The following LIMK1 variants were observed in gnomAD, a reference collection of about 807,000 sequenced individuals.
LIMK1 encodes the protein LIM domain kinase 1, also known as LIM motif-containing protein kinase.
LIMK1 carries 21 observed loss-of-function variants against 77.6 expected under a neutral mutation model. The observed-to-expected ratio is 0.27, with a 90% CI of 0.19 to 0.39. LIMK1 has a LOEUF of 0.39. LIMK1 is among the 10% of genes least tolerant of loss of function. The probability of loss-of-function intolerance (pLI) is 1.00; values close to 1 mark genes in which losing one functional copy is unlikely to be tolerated. For missense variants in LIMK1, 696 were observed against 901.6 expected (o/e 0.77, Z 2.92); for synonymous variants, 358 against 370.0 (o/e 0.97, Z 0.37).
Position 74,111,918 on chromosome 7 carries a change from T to C in LIMK1, c.1345-15T>C. ...CTGCACAGCTGCCCCCTGACTCCCG[T>C]GTCCCCGTCCCTAGGCCTACCTCCA... On this transcript the variant is annotated splice_polypyrimidine_tract_variant and intron_variant, in intron 11 of 15. Coordinates refer to ENST00000336180, the MANE Select transcript of LIMK1 (RefSeq NM_002314.4). 2 of 1,611,054 alleles carry C rather than the reference T, an allele frequency of 1.2e-6. No individual in the cohort carries two copies. The highest frequency in any genetic ancestry group is 1.1e-5 in the South Asian group (1 of 91,024).
chr7:74,116,927 G>A (rs1438178104), intron 13 of LIMK1, among the ~76,000 whole-genome samples: 1 of 151,630 alleles, frequency 6.6e-6, no homozygotes, highest in African/African-American at 2.4e-5. Flanking sequence ...TGTCTCCCAG[G>A]CTAGAGTGCA....
At chr7:74,089,368 G>A (rs1356213946) in intron 2 of LIMK1, among the ~76,000 whole-genome samples, 1 of 152,162 alleles carries the variant, frequency 6.6e-6, no homozygotes, top group Non-Finnish European at 1.5e-5. Flanking sequence ...TGAGCATGGT[G>A]GTGGTGCCTG....
rs148326897 is a variant in LIMK1, at chr7:74,107,409, C to T, written c.1065+216C>T. On this transcript the variant is annotated intron_variant, in intron 8 of 15. Transcript: ENST00000336180. ...TGTGCGGGAGGTCATTGAAAGGTGGCTCCTAGCCAGGCACAGTAGTTTATC... is the reference window on the plus strand; with the variant it reads ...TGTGCGGGAGGTCATTGAAAGGTGGTTCCTAGCCAGGCACAGTAGTTTATC... Among the ~76,000 whole-genome samples the T allele has an allele frequency of 4.9e-3, 750 of 152,276 alleles. 3 individuals are homozygous for T. The highest frequency in any genetic ancestry group is 0.017 in the Middle Eastern group (5 of 294).
chr7:74,116,714 C>CTTTTTTTTT (rs1799820523), intron 13 of LIMK1, among the ~76,000 whole-genome samples: 1 of 145,730 alleles, frequency 6.9e-6, no homozygotes, highest in Non-Finnish European at 1.5e-5. Context: ...TTTTTTTTTT[C>CTTTTTTTTT]TTTTTTAAAG....
chr7:74,116,005 G>A (rs1799801224), intron 13 of LIMK1, 47 bp downstream of exon 13: 1 of 1,585,338 alleles, frequency 6.3e-7, no homozygotes, highest in South Asian at 1.1e-5. Flanking sequence ...GGAAGCCATG[G>A]GGGAGCCCAG....
chr7:74,109,351 C>G (rs1324476022), intron 10 of LIMK1: 3 of 340,188 alleles, frequency 8.8e-6, no homozygotes, highest in Non-Finnish European at 1.7e-5. Context: ...CACAGCAAGA[C>G]CCTGTCTCAA....
At chr7:74,090,595 C>T (rs1306860876) in intron 2 of LIMK1, among the ~76,000 whole-genome samples, 1 of 152,208 alleles carries the variant, frequency 6.6e-6, no homozygotes, top group Non-Finnish European at 1.5e-5. Context: ...GTGCTAGACT[C>T]TGCTTAGTCT....
intron 14 of LIMK1, 105 bp from the exon 15 acceptor site, chr7:74,120,787 G>A: frequency 1.3e-6 from 2 of 1,550,512 alleles, no homozygotes; most frequent in South Asian, 2.3e-5. Context: ...CTGCAGTCAG[G>A]CTGCAGCCAG....
At chr7:74,112,883 G>T (rs1799732625) in intron 12 of LIMK1, among the ~76,000 whole-genome samples, 2 of 151,964 alleles carry the variant, frequency 1.3e-5, no homozygotes, top group South Asian at 4.1e-4. Context: ...CAGGCAAAGA[G>T]CCCAGTGTCT....
rs1554695801 is a variant in LIMK1, at chr7:74,097,195, T to C, written c.401+6T>C. On this transcript the variant is annotated splice_donor_region_variant and intron_variant, in intron 4 of 15. Coordinates refer to ENST00000336180, the MANE Select transcript of LIMK1 (RefSeq NM_002314.4). The stretch of plus-strand genomic sequence containing the variant: ...GAGCACTCCAAGCTGTACTGGTGAG[T>C]GCCTTGGCCCCTCCCTGAGCCTAGG... 3.2e-6 allele frequency: 5 copies of C among 1,585,920 alleles called. No individual in the cohort carries two copies. In the South Asian group the frequency reaches 5.7e-5, roughly 18 times the overall value.
chr7:74,097,335 C>G (rs1322062345), intron 4 of LIMK1, 146 bp downstream of exon 4: 2 of 533,854 alleles, frequency 3.7e-6, no homozygotes, highest in African/African-American at 1.9e-5. Context: ...CCTTTCCCAT[C>G]CCGGCATGGA....
At chr7:74,089,434 G>A (rs150495968) in intron 2 of LIMK1, among the ~76,000 whole-genome samples, 2 of 152,220 alleles carry the variant, frequency 1.3e-5, no homozygotes, top group African/African-American at 4.8e-5. Context: ...CCTGGGAGGT[G>A]GAGGTTGCAG....
chr7:74,107,699 CAA>C (rs1799605756), intron 8 of LIMK1, among the ~76,000 whole-genome samples, 170 bp from the exon 9 acceptor site: 1 of 145,556 alleles, frequency 6.9e-6, no homozygotes, highest in Non-Finnish European at 1.5e-5. Context: ...AAAAAAAAGA[CAA>C]GGGATTAATA....
intron 11 of LIMK1, 99 bp from the exon 12 acceptor site, chr7:74,111,834 G>T (rs1404388402): frequency 1.4e-6 from 2 of 1,432,550 alleles, no homozygotes; most frequent in East Asian, 4.6e-5. Flanking sequence ...GTCCCGACTG[G>T]CCTGATTGGG....
At chr7:74,084,091 C>G in intron 1 of LIMK1, 46 bp downstream of exon 1, 1 of 1,133,060 alleles carries the variant, frequency 8.8e-7, no homozygotes, top group South Asian at 1.5e-5. Flanking sequence ...AGGGGGTGCC[C>G]GGGGCAGCGT....
At chr7:74,096,989 T>C (rs1563914937) in intron 3 of LIMK1, 91 bp from the exon 4 acceptor site, 3 of 1,146,178 alleles carry the variant, frequency 2.6e-6, no homozygotes, top group Non-Finnish European at 3.7e-6. Context: ...GTTGTTTTTT[T>C]GGTGACACCC....
Position 74,115,956 on chromosome 7 carries a change from A to T in LIMK1, c.1565A>T (p.Asn522Ile). The T allele has an allele frequency of 5.0e-6, 8 of 1,613,768 alleles. No individual in the cohort carries two copies. The highest frequency in any genetic ancestry group is 6.8e-6 in the Non-Finnish European group (8 of 1,179,688). Residue 522 changes from asparagine to isoleucine, a missense_variant and splice_region_variant, in exon 13 of 16, where the codon AAC becomes ATC. By Grantham distance (149) the Asn-to-Ile change is moderately radical. This residue lies in a region of LIMK1 where 438 missense variants were observed against 602.3 expected (regional missense o/e 0.73). Coordinates refer to ENST00000336180, the MANE Select transcript of LIMK1 (RefSeq NM_002314.4). ...TACTGGATGGCACCTGAGATGATCAACGGTGAGTGGTTCAGCCCTGCCCAT... is the reference window on the plus strand; with the variant it reads ...TACTGGATGGCACCTGAGATGATCATCGGTGAGTGGTTCAGCCCTGCCCAT... Reference protein sequence around the residue: ...NPYWMAPEMINGRSYDEKVDV... With the variant: ...NPYWMAPEMIIGRSYDEKVDV...
At chr7:74,120,548 G>A (rs781814950) in intron 13 of LIMK1, 35 bp from the exon 14 acceptor site, 4 of 1,612,254 alleles carry the variant, frequency 2.5e-6, no homozygotes, top group East Asian at 4.5e-5. Context: ...GCACCCCCAT[G>A]TGTTCATCTG....
intron 5 of LIMK1, among the ~76,000 whole-genome samples, chr7:74,104,108 A>C (rs927606191): frequency 6.6e-6 from 1 of 151,692 alleles, no homozygotes; most frequent in African/African-American, 2.4e-5. Flanking sequence ...TCTGTAAAAA[A>C]TGTCATAGAG....
Sources: gnomAD v4.1 joint callset for allele counts (sites outside exome capture counted in the v4.1 genomes callset) on GRCh38, gnomAD v4.1.1 for gene constraint, gnomAD v4.1.1 regional missense constraint, MANE v1.5 for transcripts, NCBI Gene and HGNC (gene_info 2026-07-23, HGNC 2026-07-21) for gene names.